Variants in PCDHA4 observed in about 807,000 individuals in gnomAD.
The protein encoded by PCDHA4 is protocadherin alpha 4.
In PCDHA4, 49 loss-of-function variants were observed where a neutral mutation model predicts 61.4. The ratio of observed to expected loss-of-function variants is 0.80; its 90% confidence interval spans 0.63 to 1.01. The LOEUF (loss-of-function observed/expected upper bound fraction) is 1.01, where lower values mean the gene tolerates loss of function less well. PCDHA4 is among the 50% of genes least tolerant of loss of function. The probability of loss-of-function intolerance (pLI) is 0.00; values close to 1 mark genes in which losing one functional copy is unlikely to be tolerated. For missense variants in PCDHA4, 1,254 were observed against 1,235.8 expected, an observed-to-expected ratio of 1.01 and a Z score of -0.22; for synonymous variants, 590 against 550.3, an observed-to-expected ratio of 1.07 and a Z score of -1.01.
chr5:140,952,841 C>T (rs2094805193), intron 1 of PCDHA4, among the ~76,000 whole-genome samples: 1 of 152,102 alleles, frequency 6.6e-6, no homozygotes, highest in South Asian at 2.1e-4. Context: ...TGGCCATCTG[C>T]TTGTCTTCTG....
intron 1 of PCDHA4, chr5:140,850,536 C>A (rs1342459599): frequency 1.9e-6 from 3 of 1,598,178 alleles, no homozygotes; most frequent in East Asian, 2.2e-5. Context: ...GTCATCGTCG[C>A]GGGCGTCAGT....
At chr5:140,919,417 T>C (rs782439186) in intron 1 of PCDHA4, among the ~76,000 whole-genome samples, 16 of 152,226 alleles carry the variant, frequency 1.1e-4, no homozygotes, top group Admixed American at 5.2e-4. Context: ...AGACTGACAA[T>C]TCTGCCTTTT....
At chr5:140,883,615 C>T (rs1554178913) in intron 1 of PCDHA4, 6 of 1,613,938 alleles carry the variant, frequency 3.7e-6, no homozygotes, top group African/African-American at 1.3e-5. Context: ...CCGACGTGAA[C>T]GACAACGCGC....
intron 1 of PCDHA4, chr5:140,835,626 C>T: frequency 6.2e-6 from 10 of 1,613,880 alleles, no homozygotes; most frequent in Admixed American, 1.7e-5. Context: ...CGCTCTGGAC[C>T]GCGAGAGTGT....
intron 1 of PCDHA4, among the ~76,000 whole-genome samples, chr5:140,960,522 T>C (rs1261145307): frequency 6.6e-6 from 1 of 152,090 alleles, no homozygotes; most frequent in African/African-American, 2.4e-5. Flanking sequence ...ATAATGGGTA[T>C]AGGAAAGAGA....
chr5:140,907,914 T>A (rs2073690399), intron 1 of PCDHA4, among the ~76,000 whole-genome samples: 4 of 152,242 alleles, frequency 2.6e-5, no homozygotes, highest in Admixed American at 1.3e-4. Context: ...TTTTGACCAC[T>A]CAGAGAGGTC....
chr5:140,836,500 C>G, intron 1 of PCDHA4: 1 of 1,613,882 alleles, frequency 6.2e-7, no homozygotes, highest in Non-Finnish European at 8.5e-7. Flanking sequence ...GCCATCTGCG[C>G]GGTGTCCAGT....
intron 1 of PCDHA4, chr5:140,834,227 A>G: frequency 1.4e-6 from 1 of 708,706 alleles, no homozygotes; most frequent in Non-Finnish European, 2.3e-6. Context: ...AGCAAAAGGA[A>G]GTCATTCCTT....
At chr5:140,884,299 G>A in intron 1 of PCDHA4, 1 of 1,613,736 alleles carries the variant, frequency 6.2e-7, no homozygotes, top group Non-Finnish European at 8.5e-7. Context: ...AAGCGCCACA[G>A]GCTTCGTCGA....
chr5:140,868,989 C>A (rs1280457697), intron 1 of PCDHA4: 91 of 1,506,736 alleles, frequency 6.0e-5, no homozygotes, highest in Non-Finnish European at 7.5e-5. Context: ...CGGATGCCAC[C>A]GTTTAAGGAT....
chr5:140,910,175 T>C (rs1296033470), intron 1 of PCDHA4, among the ~76,000 whole-genome samples: 1 of 152,240 alleles, frequency 6.6e-6, no homozygotes. Flanking sequence ...CCTCTGTTTT[T>C]ATAATTCAAA....
chr5:140,843,586 G>T lies in PCDHA4; in HGVS notation c.2385+34014G>T, dbSNP rs2150363126. The T allele has an allele frequency of 4.4e-6, 7 of 1,596,012 alleles. 1 individual carries two copies. Among genetic ancestry groups the T allele is most frequent in the African/African-American group, 1.3e-5 (1 of 74,542 alleles). Reference sequence around the variant, plus strand: ...GCTGGTCATACTCGCAACAACAGCCGCAGAGGGTGTGCTCTGGTGAGGGGC... The same window carrying T: ...GCTGGTCATACTCGCAACAACAGCCTCAGAGGGTGTGCTCTGGTGAGGGGC... On this transcript the variant is annotated intron_variant, in intron 1 of 3. Coordinates refer to ENST00000530339, the MANE Select transcript of PCDHA4 (RefSeq NM_018907.4).
In PCDHA4 at chr5:140,808,857, A is replaced by G. The variant is rs1764281184; in HGVS notation, c.1670A>G (p.Asp557Gly). 1.2e-6 allele frequency: 2 copies of G among 1,613,038 alleles called. No homozygotes were observed. The highest frequency in any genetic ancestry group is 2.7e-5 in the African/African-American group (2 of 74,938). Residue 557 changes from aspartate to glycine, a missense_variant, in exon 1 of 4, where the codon GAC becomes GGC. Asp to Gly is a moderately conservative substitution (Grantham distance 94). Transcript: ENST00000530339. Reference protein sequence around the residue: ...SNVTLQVFVLDENDNAPALLA... With the variant: ...SNVTLQVFVLGENDNAPALLA... ...GTGACGCTGCAGGTGTTCGTGCTGGACGAAAACGACAACGCGCCAGCACTG... is the reference window on the plus strand; with the variant it reads ...GTGACGCTGCAGGTGTTCGTGCTGGGCGAAAACGACAACGCGCCAGCACTG...
intron 1 of PCDHA4, chr5:140,968,816 G>A: frequency 6.2e-7 from 1 of 1,614,144 alleles, no homozygotes. Context: ...GGTGGATAGG[G>A]TTTCCAAAAT....
In PCDHA4 at chr5:140,875,617, G is replaced by T; in HGVS notation, c.2385+66045G>T. On this transcript the variant is annotated intron_variant, in intron 1 of 3. Coordinates refer to ENST00000530339, the MANE Select transcript of PCDHA4 (RefSeq NM_018907.4). ...ACACGGCACCTTCGTGGGCCGCATC[G>T]CTCAGGACCTGGGGCTGGAGCTGGC... 1 of 1,613,780 alleles carries T rather than the reference G, an allele frequency of 6.2e-7. No homozygotes were observed. The highest frequency in any genetic ancestry group is 2.2e-5 in the East Asian group (1 of 44,888).
chr5:140,994,217 T>G (rs781792763), intron 3 of PCDHA4, among the ~76,000 whole-genome samples: 2 of 152,110 alleles, frequency 1.3e-5, no homozygotes, highest in Non-Finnish European at 2.9e-5. Flanking sequence ...GGACCCAGGG[T>G]CTGTCTATGT....
At chr5:140,822,947 AC>A in intron 1 of PCDHA4, 20 of 1,614,242 alleles carry the variant, frequency 1.2e-5, no homozygotes, top group Non-Finnish European at 1.7e-5. Context: ...CTAATGCCCC[AC>A]GTTCCCTTCA....
intron 1 of PCDHA4, chr5:140,930,104 G>T (rs532818002): frequency 6.6e-6 from 1 of 152,210 alleles, no homozygotes; most frequent in Non-Finnish European, 1.5e-5. Flanking sequence ...ACTGATAGGA[G>T]ATCATATTGT....
intron 1 of PCDHA4, among the ~76,000 whole-genome samples, chr5:140,961,780 C>T (rs1192795559): frequency 6.6e-6 from 1 of 152,052 alleles, no homozygotes; most frequent in African/African-American, 2.4e-5. Flanking sequence ...AGCTTAATGG[C>T]ACTTTTTAAA....
Sources: gnomAD v4.1 joint callset for allele counts (sites outside exome capture counted in the v4.1 genomes callset) on GRCh38, gnomAD v4.1.1 for gene constraint, MANE v1.5 for transcripts, NCBI Gene and HGNC (gene_info 2026-07-23, HGNC 2026-07-21) for gene names.